The following TRMT10C variants were observed in gnomAD, a reference collection of about 807,000 sequenced individuals.
TRMT10C encodes the protein tRNA methyltransferase 10C, mitochondrial RNase P subunit.
Under a neutral mutation model 27.4 loss-of-function variants are expected in TRMT10C, and 14 were observed. The observed-to-expected ratio is 0.51, with a 90% confidence interval of 0.34 to 0.80. TRMT10C has a LOEUF of 0.80. TRMT10C is among the 30% of genes least tolerant of loss of function. TRMT10C has a pLI of 0.02. For synonymous variants in TRMT10C, 143 were observed against 155.9 expected (o/e 0.92, Z 0.62); for missense variants, 438 against 464.8 (o/e 0.94, Z 0.53).
In TRMT10C at chr3:101,565,879, T is replaced by C; in HGVS notation, c.1098T>C (p.Asn366=). 4.3e-6 allele frequency: 7 copies of C among 1,614,156 alleles called. No homozygotes were observed. Among genetic ancestry groups the C allele is most frequent in the Non-Finnish European group, 5.9e-6 (7 of 1,180,020 alleles). Residue 366 remains asparagine (N), a synonymous_variant, in exon 2 of 2, where the codon AAT becomes AAC. Coordinates refer to ENST00000309922, the MANE Select transcript of TRMT10C (RefSeq NM_017819.4). ...GTATTTTGTTATGTCTGAAAAACAATGGTAATTGGCAAGAGGCTCTGCAAT... is the reference window on the plus strand; with the variant it reads ...GTATTTTGTTATGTCTGAAAAACAACGGTAATTGGCAAGAGGCTCTGCAAT... ...MIRILLCLKN[N]GNWQEALQFV...
chr3:101,562,698 T>A (rs1464646896), intron 1 of TRMT10C, among the ~76,000 whole-genome samples: 3 of 151,706 alleles, frequency 2.0e-5, no homozygotes, highest in Non-Finnish European at 4.4e-5. Flanking sequence ...TTTTTTTTTT[T>A]AATGAAGGAA....
Position 101,565,130 on chromosome 3 carries a change from C to T in TRMT10C, c.349C>T (p.Leu117Phe). Reference sequence around the variant, plus strand: ...ACCAGAACACATCACTGAAGAAGAGCTCAAAACCCTTATGGAATGTGTTTC... The same window carrying T: ...ACCAGAACACATCACTGAAGAAGAGTTCAAAACCCTTATGGAATGTGTTTC... ...EVPEHITEEE[L>F]KTLMECVSNT... Residue 117 changes from leucine (L) to phenylalanine (F), a missense_variant, in exon 2 of 2, where the codon CTC becomes TTC. Leu to Phe is a conservative substitution (Grantham distance 22, BLOSUM62 0). Transcript: ENST00000309922. The T allele has an allele frequency of 6.2e-7, 1 of 1,612,106 alleles. No homozygotes were observed. Among genetic ancestry groups the T allele is most frequent in the Non-Finnish European group, 8.5e-7 (1 of 1,179,286 alleles).
Position 101,566,203 on chromosome 3 carries a change from A to C in TRMT10C, c.*210A>C. The C allele has an allele frequency of 2.0e-6, 1 of 509,854 alleles. No homozygotes were observed. Among genetic ancestry groups the C allele is most frequent in the South Asian group, 3.3e-5 (1 of 30,444 alleles). The allele number at this position is 509,854 out of a possible 1,614,324, so 31.6% of individuals were successfully genotyped here. ...TAAATATCTGCAGAACTTTGGGATT[A>C]TACTTTGTTTACTGTAGAAAGATAA... On this transcript the variant is annotated 3_prime_UTR_variant, in exon 2 of 2. Transcript: ENST00000309922.
In TRMT10C at chr3:101,565,338, A is replaced by G. The variant is rs202110394; in HGVS notation, c.557A>G (p.Asn186Ser). 2.5e-6 allele frequency: 4 copies of G among 1,614,216 alleles called. No individual in the cohort carries two copies. Among genetic ancestry groups the G allele is most frequent in the Non-Finnish European group, 3.4e-6 (4 of 1,180,040 alleles). Reference protein sequence around the residue: ...NFLFLRLWDRNMDIAMGWKGA... With the variant: ...NFLFLRLWDRSMDIAMGWKGA... ...CTATTTTTACGACTTTGGGATAGGA[A>G]TATGGACATAGCAATGGGCTGGAAG... The change falls in exon 2 of 2, where the codon AAT (asparagine) becomes AGT (serine). Residue 186 changes from asparagine (N) to serine (S), a missense_variant. Around this residue, in one of 3 missense-constraint regions of TRMT10C, gnomAD observed 350 missense variants for 370.5 expected, o/e 0.94. Transcript: ENST00000309922.
At chr3:101,563,384 C>T (rs1934456519) in intron 1 of TRMT10C, among the ~76,000 whole-genome samples, 2 of 152,158 alleles carry the variant, frequency 1.3e-5, no homozygotes. Context: ...TCTCAAACTC[C>T]TGACCTCAAG....
At chr3:101,563,372 G>A (rs1934456360) in intron 1 of TRMT10C, among the ~76,000 whole-genome samples, 1 of 152,102 alleles carries the variant, frequency 6.6e-6, no homozygotes, top group Non-Finnish European at 1.5e-5. Context: ...TGGTCAGGCT[G>A]GTCTCAAACT....
rs1934511122 is a variant in TRMT10C, at chr3:101,566,159, G to A, written c.*166G>A. On this transcript the variant is annotated 3_prime_UTR_variant, in exon 2 of 2. Coordinates refer to ENST00000309922, the MANE Select transcript of TRMT10C (RefSeq NM_017819.4). ...GGTAGTCTTTCCCAACTGACTGTAG[G>A]GTTGTGTCTTTTCCCAATTAAATAT... 1 of 728,592 alleles carries A rather than the reference G, an allele frequency of 1.4e-6. No individual in the cohort carries two copies. Among genetic ancestry groups the A allele is most frequent in the East Asian group, 2.8e-5 (1 of 35,192 alleles). 45.1% of individuals were successfully genotyped at this position (728,592 alleles called of 1,614,324 possible). A position where few individuals can be genotyped will look rare whatever the true frequency, so the allele number is the denominator to read the frequency against.
intron 1 of TRMT10C, among the ~76,000 whole-genome samples, chr3:101,564,367 C>G (rs1479412463): frequency 6.6e-6 from 1 of 150,866 alleles, no homozygotes; most frequent in Non-Finnish European, 1.5e-5. Flanking sequence ...AAGCAATTCT[C>G]CTGCCTCAGC....
chr3:101,565,207 GA>G lies in TRMT10C; in HGVS notation c.432del (p.Ala145LeufsTer4). 1 of 1,583,644 alleles carries G rather than the reference GA, an allele frequency of 6.3e-7. No individual in the cohort carries two copies. Among genetic ancestry groups the G allele is most frequent in the Non-Finnish European group, 8.6e-7 (1 of 1,168,182 alleles). ...AATATTTATATACGAAGGAAAAAGT[GA>G]AAAAAGCTAGGCAAATAAAAAAGGA... Reference protein sequence around the residue: ...LKYLYTKEKVKKARQIKKEMK... With the variant: ...LKYLYTKEKVXKARQIKKEMK... On this transcript the variant is annotated frameshift_variant, in exon 2 of 2. Transcript: ENST00000309922. LOFTEE classifies it high-confidence loss of function.
chr3:101,563,205 C>T (rs1038731278), intron 1 of TRMT10C, among the ~76,000 whole-genome samples: 6 of 150,962 alleles, frequency 4.0e-5, no homozygotes, highest in Non-Finnish European at 8.9e-5. Context: ...AACTTCCGCC[C>T]CCCTTATTCA....
In TRMT10C at chr3:101,566,155, G is replaced by A. The variant is rs1934511070; in HGVS notation, c.*162G>A. On this transcript the variant is annotated 3_prime_UTR_variant, in exon 2 of 2. Coordinates refer to ENST00000309922, the MANE Select transcript of TRMT10C (RefSeq NM_017819.4). ...TAAAGGTAGTCTTTCCCAACTGACT[G>A]TAGGGTTGTGTCTTTTCCCAATTAA... The A allele has an allele frequency of 4.0e-6, 3 of 752,342 alleles. No individual in the cohort carries two copies. The highest frequency in any genetic ancestry group is 2.3e-5 in the South Asian group (1 of 43,722). 46.6% of individuals were successfully genotyped at this position (752,342 alleles called of 1,614,324 possible).
chr3:101,564,737 C>A, intron 1 of TRMT10C, 33 bp from the exon 2 acceptor site: 1 of 1,484,676 alleles, frequency 6.7e-7, no homozygotes. Context: ...AAATCTTTGT[C>A]TAATTTTTAA....
rs1934472964 is a variant in TRMT10C, at chr3:101,564,301, A to G, written c.-12-469A>G. Among the ~76,000 whole-genome samples the G allele has an allele frequency of 3.7e-5, 5 of 135,270 alleles. No homozygotes were observed. The South Asian group carries it at 1.2e-3, about 32-fold the overall frequency. 88.7% of individuals were successfully genotyped at this position (135,270 alleles called of 152,430 possible). A position where few individuals can be genotyped will look rare whatever the true frequency, so the allele number is the denominator to read the frequency against. On this transcript the variant is annotated intron_variant, in intron 1 of 1. Coordinates refer to ENST00000309922, the MANE Select transcript of TRMT10C (RefSeq NM_017819.4). ...GAGACAGAATCTCACTCTGTCACCC[A>G]GGCTGGAGTGCAGTGGCACAATCTC... is the stretch of plus-strand genomic sequence containing the variant.
chr3:101,566,147 A>G lies in TRMT10C; in HGVS notation c.*154A>G. The G allele has an allele frequency of 1.2e-6, 1 of 835,668 alleles. No individual in the cohort carries two copies. Among genetic ancestry groups the G allele is most frequent in the East Asian group, 2.7e-5 (1 of 36,558 alleles). 51.8% of individuals were successfully genotyped at this position (835,668 alleles called of 1,614,324 possible). On this transcript the variant is annotated 3_prime_UTR_variant, in exon 2 of 2. Coordinates refer to ENST00000309922, the MANE Select transcript of TRMT10C (RefSeq NM_017819.4). ...TTCTCTTCTAAAGGTAGTCTTTCCCAACTGACTGTAGGGTTGTGTCTTTTC... is the reference window on the plus strand; with the variant it reads ...TTCTCTTCTAAAGGTAGTCTTTCCCGACTGACTGTAGGGTTGTGTCTTTTC...
At position 101,565,145 on chromosome 3, in the gene TRMT10C, G is replaced by A; in HGVS notation, c.364G>A (p.Glu122Lys). 6.2e-7 allele frequency: 1 copy of A among 1,607,504 alleles called. No homozygotes were observed. Among genetic ancestry groups the A allele is most frequent in the African/African-American group, 1.3e-5 (1 of 74,648 alleles). ...ITEEELKTLM[E>K]CVSNTAKKKY... Reference sequence around the variant, plus strand: ...TGAAGAAGAGCTCAAAACCCTTATGGAATGTGTTTCTAACACAGCAAAAAA... The same window carrying A: ...TGAAGAAGAGCTCAAAACCCTTATGAAATGTGTTTCTAACACAGCAAAAAA... The change falls in exon 2 of 2, where the codon GAA (glutamate) becomes AAA (lysine). Residue 122 changes from glutamate to lysine, a missense_variant. This residue lies in a region of TRMT10C where 350 missense variants were observed against 370.5 expected (regional missense o/e 0.94). Transcript: ENST00000309922.
chr3:101,562,829 C>T (rs529578013), intron 1 of TRMT10C, among the ~76,000 whole-genome samples: 4 of 152,060 alleles, frequency 2.6e-5, no homozygotes, highest in Admixed American at 2.6e-4. Context: ...ACTAGTTAGT[C>T]CTTACCATCT....
intron 1 of TRMT10C, among the ~76,000 whole-genome samples, chr3:101,563,783 G>T (rs1203879025): frequency 1.3e-5 from 2 of 152,140 alleles, no homozygotes; most frequent in Non-Finnish European, 2.9e-5. Flanking sequence ...AATATCTCAT[G>T]GACATCCAGG....
rs772381805 is a variant in TRMT10C at position 101,565,487 on chromosome 3, A to G, written c.706A>G (p.Arg236Gly). 6.2e-7 allele frequency: 1 copy of G among 1,613,940 alleles called. No homozygotes were observed. Among genetic ancestry groups the G allele is most frequent in the East Asian group, 2.2e-5 (1 of 44,894 alleles). ...QLLESEGWNR[R>G]NVDPFHIYFC... ...TTTAGAAAGTGAAGGATGGAACAGA[A>G]GAAATGTTGATCCTTTCCATATTTA... Residue 236 changes from arginine to glycine, a missense_variant, in exon 2 of 2, where the codon AGA becomes GGA. Around this residue, in one of 3 missense-constraint regions of TRMT10C, gnomAD observed 350 missense variants for 370.5 expected, o/e 0.94. Coordinates refer to ENST00000309922, the MANE Select transcript of TRMT10C (RefSeq NM_017819.4).
In TRMT10C at chr3:101,565,810, A is replaced by G. The variant is rs1934504350; in HGVS notation, c.1029A>G (p.Gln343=). ...TECLPLDKYL[Q]WEIGNKNLTL... ...GCCTTCCATTAGATAAATATTTACA[A>G]TGGGAAATTGGTAACAAAAATCTCA... The change falls in exon 2 of 2, where the codon CAA becomes CAG. Residue 343 remains glutamine (Q), a synonymous_variant. Transcript: ENST00000309922. 1.2e-6 allele frequency: 2 copies of G among 1,614,078 alleles called. No individual in the cohort carries two copies. Among genetic ancestry groups the G allele is most frequent in the Admixed American group, 1.7e-5 (1 of 60,010 alleles).
Sources: allele counts gnomAD v4.1 joint callset (sites outside exome capture counted in the v4.1 genomes callset), GRCh38; gene constraint gnomAD v4.1.1; regional missense constraint gnomAD v4.1.1; transcripts MANE v1.5; gene names NCBI Gene and HGNC (gene_info 2026-07-23, HGNC 2026-07-21).